The following HECW1 variants were observed in gnomAD, a reference collection of about 807,000 sequenced individuals.
HECW1 encodes the protein E3 ubiquitin-protein ligase HECW1.
A neutral mutation model predicts 182.3 loss-of-function variants in HECW1; 61 were observed. The observed-to-expected ratio is 0.33, with a 90% CI of 0.27 to 0.41. The LOEUF is 0.41. Among genes scored for constraint, HECW1 ranks in the 10% least tolerant of loss-of-function variants. HECW1 has a pLI of 1.00. For missense variants in HECW1, 1,739 were observed against 2,108.9 expected (o/e 0.82, Z 3.44); for synonymous variants, 859 against 832.6 (o/e 1.03, Z -0.55).
intron 6 of HECW1, among the ~76,000 whole-genome samples, chr7:43,392,067 T>C (rs750758543): frequency 1.3e-5 from 2 of 152,212 alleles, no homozygotes; most frequent in Non-Finnish European, 2.9e-5. Flanking sequence ...ATTATGATAA[T>C]GTAATGATAT....
Position 43,467,027 on chromosome 7 carries a change from T to C in HECW1, c.2913+459T>C, listed in dbSNP as rs530666672. Among the ~76,000 whole-genome samples the C allele has an allele frequency of 1.4e-3, 214 of 152,380 alleles. 2 individuals carry two copies. Among genetic ancestry groups the C allele is most frequent in the African/African-American group, 3.8e-3 (159 of 41,594 alleles). On this transcript the variant is annotated intron_variant, in intron 15 of 29. Coordinates refer to ENST00000395891, the MANE Select transcript of HECW1 (RefSeq NM_015052.5). ...GTTAAATTTCATATGATTTTACATA[T>C]GTAGTTTTTTCATTGCTTTTTTGGT...
intron 13 of HECW1, 88 bp from the exon 14 acceptor site, chr7:43,463,572 C>G: frequency 1.6e-6 from 2 of 1,246,710 alleles, no homozygotes; most frequent in Non-Finnish European, 2.3e-6. Context: ...CAATTCTTTA[C>G]AGATTTCTCC....
At chr7:43,498,570 A>G (rs1029274724) in intron 19 of HECW1, among the ~76,000 whole-genome samples, 1 of 152,194 alleles carries the variant, frequency 6.6e-6, no homozygotes, top group Non-Finnish European at 1.5e-5. Context: ...GGACATAGGC[A>G]GAGGGAGAAG....
chr7:43,293,219 C>CAAAAAAAAA (rs34748611), intron 3 of HECW1, among the ~76,000 whole-genome samples: 1 of 76,574 alleles, frequency 1.3e-5, no homozygotes, highest in African/African-American at 4.3e-5. Flanking sequence ...GACTATGTCT[C>CAAAAAAAAA]AAAAAAAAAA....
At chr7:43,255,855 A>T (rs187804647) in intron 3 of HECW1, among the ~76,000 whole-genome samples, 41 of 152,192 alleles carry the variant, frequency 2.7e-4, no homozygotes, top group African/African-American at 9.2e-4. Flanking sequence ...AGGAGGGAGG[A>T]CTTTATTTGG....
intron 3 of HECW1, among the ~76,000 whole-genome samples, chr7:43,293,232 A>AAAG (rs1554344128): frequency 1.3e-5 from 2 of 151,046 alleles, no homozygotes; most frequent in Non-Finnish European, 2.9e-5. Context: ...AAAAAAAAAA[A>AAAG]AAAAGAAAAG....
At chr7:43,231,511 T>C (rs544111655) in intron 2 of HECW1, among the ~76,000 whole-genome samples, 1 of 152,220 alleles carries the variant, frequency 6.6e-6, no homozygotes, top group African/African-American at 2.4e-5. Context: ...GCTAAAGAGA[T>C]TGAAAAGGAC....
chr7:43,150,326 A>G (rs913263657), intron 2 of HECW1, among the ~76,000 whole-genome samples: 1 of 152,180 alleles, frequency 6.6e-6, no homozygotes, highest in Non-Finnish European at 1.5e-5. Flanking sequence ...GATTTCAGTT[A>G]GATTTGCTTT....
intron 3 of HECW1, among the ~76,000 whole-genome samples, chr7:43,302,857 A>T (rs866539954): frequency 6.6e-6 from 1 of 152,268 alleles, no homozygotes; most frequent in East Asian, 1.9e-4. Flanking sequence ...GAAGGGAAAA[A>T]TGGGTCTCTT....
chr7:43,401,146 T>C (rs921756638), intron 7 of HECW1, among the ~76,000 whole-genome samples: 6 of 152,208 alleles, frequency 3.9e-5, no homozygotes, highest in African/African-American at 1.4e-4. Flanking sequence ...GATTAGGATG[T>C]GAACATCTTT....
chr7:43,209,516 A>C (rs1207621029), intron 2 of HECW1, among the ~76,000 whole-genome samples: 1 of 152,134 alleles, frequency 6.6e-6, no homozygotes, highest in Admixed American at 6.5e-5. Context: ...TCAAATTTAC[A>C]AGAGAGCTTC....
chr7:43,339,755 G>A (rs370083261), intron 5 of HECW1, among the ~76,000 whole-genome samples: 3 of 152,076 alleles, frequency 2.0e-5, no homozygotes, highest in East Asian at 3.9e-4. Flanking sequence ...GGAGCTCCGC[G>A]GGGTGCAGTC....
At chr7:43,200,669 G>A (rs1000901235) in intron 2 of HECW1, among the ~76,000 whole-genome samples, 5 of 152,118 alleles carry the variant, frequency 3.3e-5, no homozygotes, top group African/African-American at 9.7e-5. Flanking sequence ...GTTTTGTCCC[G>A]GGCTCATTGC....
At chr7:43,293,536 A>T (rs1212463237) in intron 3 of HECW1, among the ~76,000 whole-genome samples, 3 of 152,144 alleles carry the variant, frequency 2.0e-5, no homozygotes, top group Non-Finnish European at 2.9e-5. Flanking sequence ...AGTCCTAGGA[A>T]GTCGGCATGA....
intron 3 of HECW1, among the ~76,000 whole-genome samples, chr7:43,299,412 G>A (rs764019023): frequency 9.2e-5 from 14 of 152,154 alleles, no homozygotes; most frequent in South Asian, 2.1e-4. Flanking sequence ...TGGACTGCAC[G>A]AAAACCGTGC....
intron 2 of HECW1, 69 bp downstream of exon 2, chr7:43,114,460 C>T: frequency 1.6e-6 from 2 of 1,252,750 alleles, no homozygotes; most frequent in South Asian, 2.6e-5. Context: ...TTAGAGTCCA[C>T]ATGCCCACCC....
At chr7:43,482,500 A>G (rs1156546943) in intron 17 of HECW1, among the ~76,000 whole-genome samples, 2 of 152,230 alleles carry the variant, frequency 1.3e-5, no homozygotes, top group Non-Finnish European at 2.9e-5. Context: ...CAGGCCAAAA[A>G]TACATACAGA....
intron 8 of HECW1, among the ~76,000 whole-genome samples, 194 bp downstream of exon 8, chr7:43,407,925 A>C (rs2075666066): frequency 6.6e-6 from 1 of 152,126 alleles, no homozygotes; most frequent in Non-Finnish European, 1.5e-5. Context: ...TCCGGACAGT[A>C]CTAACACACT....
At chr7:43,175,894 C>G (rs898404927) in intron 2 of HECW1, among the ~76,000 whole-genome samples, 6 of 152,116 alleles carry the variant, frequency 3.9e-5, no homozygotes, top group Non-Finnish European at 7.3e-5. Flanking sequence ...TTTTCAATAC[C>G]TAATTATATC....
Sources: gnomAD v4.1 joint callset for allele counts (sites outside exome capture counted in the v4.1 genomes callset) on GRCh38, gnomAD v4.1.1 for gene constraint, MANE v1.5 for transcripts, NCBI Gene and HGNC (gene_info 2026-07-23, HGNC 2026-07-21) for gene names.